BCKDHB: variants seen among roughly 807,000 people sequenced by gnomAD.
BCKDHB encodes branched chain keto acid dehydrogenase E1 subunit beta.
In BCKDHB, 41 loss-of-function variants were observed where a neutral mutation model predicts 48.5. The ratio of observed to expected loss-of-function variants is 0.85; its 90% confidence interval spans 0.66 to 1.10. BCKDHB has a LOEUF of 1.10. BCKDHB is among the 50% of genes least tolerant of loss of function. The pLI is 0.00. For synonymous variants in BCKDHB, 201 were observed against 174.8 expected (o/e 1.15, Z -1.18); for missense variants, 496 against 494.2 (o/e 1.00, Z -0.03).
At chr6:80,126,602 C>G (rs1046098882) in intron 1 of BCKDHB, among the ~76,000 whole-genome samples, 1 of 151,362 alleles carries the variant, frequency 6.6e-6, no homozygotes, top group African/African-American at 2.4e-5. Context: ...GCGTGTAGAT[C>G]AGGCACTAGG....
intron 8 of BCKDHB, 74 bp downstream of exon 8, chr6:80,203,286 T>A (rs1774486297): frequency 1.8e-6 from 2 of 1,099,314 alleles, no homozygotes; most frequent in Non-Finnish European, 2.8e-6. Flanking sequence ...TTGCAAATAA[T>A]TCTTTTGAAA....
chr6:80,107,008 T>A, intron 1 of BCKDHB, 119 bp downstream of exon 1: 2 of 1,285,424 alleles, frequency 1.6e-6, no homozygotes, highest in Non-Finnish European at 2.2e-6. Context: ...ATTAACTTCC[T>A]GACTCTCTGG....
rs1267090638 is a variant in BCKDHB, at chr6:80,336,512, AAC to A, written c.1039-7151_1039-7150del. Among the ~76,000 whole-genome samples, 16 of 116,422 alleles carry A rather than the reference AAC, an allele frequency of 1.4e-4. No individual in the cohort carries two copies. In the East Asian group the frequency reaches 2.2e-3, roughly 16 times the overall value. 76.4% of individuals were successfully genotyped at this position (116,422 alleles called of 152,430 possible). A position where few individuals can be genotyped will look rare whatever the true frequency, so the allele number is the denominator to read the frequency against. ...AAAAAAAACCAAAAAAACAAAAAAA[AAC>A]CAAATTTACCAGATTGCCAGTAATT... is the stretch of plus-strand genomic sequence containing the variant. On this transcript the variant is annotated intron_variant, in intron 9 of 9. Transcript: ENST00000320393.
At chr6:80,193,790 A>T (rs1774013314) in intron 6 of BCKDHB, among the ~76,000 whole-genome samples, 1 of 151,852 alleles carries the variant, frequency 6.6e-6, no homozygotes. Flanking sequence ...ATATATTTAG[A>T]CTGTTGATTG....
At chr6:80,224,438 GCCGC>G (rs1374414350) in intron 8 of BCKDHB, among the ~76,000 whole-genome samples, 1 of 151,712 alleles carries the variant, frequency 6.6e-6, no homozygotes, top group African/African-American at 2.4e-5. Context: ...TGTTGCACAG[GCCGC>G]AGTACAATGG....
chr6:80,410,063 A>G, the BCKDHB span, among the ~76,000 whole-genome samples: 2 of 152,070 alleles, frequency 1.3e-5, no homozygotes, highest in Non-Finnish European at 2.9e-5. Flanking sequence ...ACAATTTGGC[A>G]TGTTTTTGCA....
At chr6:80,329,883 T>A (rs993216226) in intron 9 of BCKDHB, among the ~76,000 whole-genome samples, 2 of 152,156 alleles carry the variant, frequency 1.3e-5, no homozygotes, top group African/African-American at 4.8e-5. Flanking sequence ...CTCAAACACC[T>A]TCCCCCAACT....
chr6:80,114,185 C>T (rs1162485002), intron 1 of BCKDHB, among the ~76,000 whole-genome samples: 1 of 151,774 alleles, frequency 6.6e-6, no homozygotes, highest in Non-Finnish European at 1.5e-5. Context: ...TGCCTCCAGA[C>T]CCTATTCTGC....
chr6:80,206,288 C>A (rs527356370), intron 8 of BCKDHB, among the ~76,000 whole-genome samples: 2 of 92,926 alleles, frequency 2.2e-5, no homozygotes, highest in Non-Finnish European at 4.3e-5. Context: ...ACTCTATCTG[C>A]GCAGCAGAGC....
intron 8 of BCKDHB, among the ~76,000 whole-genome samples, chr6:80,245,521 G>A (rs919339478): frequency 3.3e-5 from 5 of 152,040 alleles, no homozygotes; most frequent in Admixed American, 1.3e-4. Flanking sequence ...GTAAAAACAC[G>A]ATAGAGATCA....
At chr6:80,422,851 G>A in the BCKDHB span, among the ~76,000 whole-genome samples, 5,559 of 152,236 alleles carry the variant, frequency 0.037, 353 homozygotes, top group African/African-American at 0.13. Flanking sequence ...AGGCTTATAG[G>A]TGGAAGGGAC....
At chr6:80,265,786 A>G (rs1344631582) in intron 8 of BCKDHB, among the ~76,000 whole-genome samples, 1 of 152,150 alleles carries the variant, frequency 6.6e-6, no homozygotes, top group Non-Finnish European at 1.5e-5. Flanking sequence ...TATTAACACC[A>G]TGGTAACAAC....
the BCKDHB span, among the ~76,000 whole-genome samples, chr6:80,423,886 G>T: frequency 6.6e-6 from 1 of 152,126 alleles, no homozygotes; most frequent in Non-Finnish European, 1.5e-5. Context: ...TGTTTTCCAG[G>T]AGTTTTCAGT....
intron 8 of BCKDHB, among the ~76,000 whole-genome samples, chr6:80,262,106 A>G (rs1042415535): frequency 5.3e-5 from 8 of 152,140 alleles, no homozygotes; most frequent in African/African-American, 1.9e-4. Flanking sequence ...CCAGCTTTCC[A>G]CTTGTTTTTC....
chr6:80,426,338 C>T, the BCKDHB span, among the ~76,000 whole-genome samples: 1 of 152,022 alleles, frequency 6.6e-6, no homozygotes, highest in Admixed American at 6.6e-5. Context: ...TTCCTTTGCT[C>T]TTACCTTTAT....
intron 8 of BCKDHB, among the ~76,000 whole-genome samples, chr6:80,228,475 C>T (rs552284495): frequency 6.6e-6 from 1 of 152,096 alleles, no homozygotes; most frequent in Non-Finnish European, 1.5e-5. Context: ...AGCACCAGTT[C>T]CTGGGGATTC....
rs765019762 is a variant in BCKDHB at position 80,203,119 on chromosome 6, G to A, written c.858G>A (p.Glu286=). 6.8e-6 allele frequency: 11 copies of A among 1,612,042 alleles called. No homozygotes were observed. Among genetic ancestry groups the A allele is most frequent in the Middle Eastern group, 1.6e-4 (1 of 6,074 alleles). ...AWGTQVHVIR[E]VASMAKEKLG... ...TATTTCAGGTTCATGTGATCCGAGA[G>A]GTAGCTTCCATGGCAAAAGAAAAGC... The change falls in exon 8 of 10, where the codon GAG becomes GAA. Residue 286 remains glutamate (E), a synonymous_variant. Coordinates refer to ENST00000320393, the MANE Select transcript of BCKDHB (RefSeq NM_183050.4).
chr6:80,360,981 G>T, the BCKDHB span, among the ~76,000 whole-genome samples: 3 of 138,080 alleles, frequency 2.2e-5, no homozygotes, highest in South Asian at 2.3e-4. Context: ...TCCAGCCTGG[G>T]TGACAGAGCA....
At chr6:80,358,409 T>G in the BCKDHB span, among the ~76,000 whole-genome samples, 82 of 152,358 alleles carry the variant, frequency 5.4e-4, no homozygotes, top group Admixed American at 8.5e-4. Context: ...TTCTCCAGTT[T>G]TCATTTTTCT....
Sources: allele counts gnomAD v4.1 joint callset (sites outside exome capture counted in the v4.1 genomes callset), GRCh38; gene constraint gnomAD v4.1.1; transcripts MANE v1.5; gene names NCBI Gene and HGNC (gene_info 2026-07-23, HGNC 2026-07-21).